Variants in SAE1 observed in about 807,000 individuals in gnomAD.
SAE1 encodes SUMO1 activating enzyme subunit 1.
In SAE1, 11 loss-of-function variants were observed where a neutral mutation model predicts 40.6. That is an observed-to-expected ratio of 0.27 (90% CI 0.17 to 0.45). SAE1 has a LOEUF of 0.45. SAE1 is among the 20% of genes least tolerant of loss of function. The pLI is 1.00. For synonymous variants in SAE1, 155 were observed against 154.3 expected, an observed-to-expected ratio of 1.00 and a Z score of -0.03; for missense variants, 373 against 427.3, an observed-to-expected ratio of 0.87 and a Z score of 1.12.
At chr19:47,137,100 G>T (rs2058185071) in intron 1 of SAE1, among the ~76,000 whole-genome samples, 1 of 152,092 alleles carries the variant, frequency 6.6e-6, no homozygotes, top group African/African-American at 2.4e-5. Context: ...TGGATTAAAA[G>T]AGAGTAAAGG....
rs1287968234 is a variant in SAE1 at position 47,201,195 on chromosome 19, C to T, written c.879-2476C>T. Among the ~76,000 whole-genome samples, 8 of 151,730 alleles carry T rather than the reference C, an allele frequency of 5.3e-5. No individual in the cohort carries two copies. In the East Asian group the frequency reaches 7.7e-4, roughly 15 times the overall value. On this transcript the variant is annotated intron_variant, in intron 7 of 8. Coordinates refer to ENST00000270225, the MANE Select transcript of SAE1 (RefSeq NM_005500.3). Reference sequence around the variant, plus strand: ...TCCTGAGTAGCTGGGACTACAGGCGCGTGCCACCACGCCCGGCTAATTTTT... The same window carrying T: ...TCCTGAGTAGCTGGGACTACAGGCGTGTGCCACCACGCCCGGCTAATTTTT...
intron 7 of SAE1, among the ~76,000 whole-genome samples, chr19:47,198,419 C>G (rs1274334356): frequency 6.6e-6 from 1 of 152,068 alleles, no homozygotes; most frequent in African/African-American, 2.4e-5. Flanking sequence ...CCATCCACAT[C>G]TCCTTCCAAG....
chr19:47,181,780 C>CTTT (rs36107839), intron 6 of SAE1, among the ~76,000 whole-genome samples: 44 of 96,444 alleles, frequency 4.6e-4, no homozygotes, highest in African/African-American at 8.6e-4. Context: ...CACCTGGCCT[C>CTTT]TTTTTTTTTT....
chr19:47,193,975 C>T (rs2058597180), intron 6 of SAE1, among the ~76,000 whole-genome samples: 1 of 151,676 alleles, frequency 6.6e-6, no homozygotes, highest in Non-Finnish European at 1.5e-5. Context: ...AAAAGCATAG[C>T]CCAGAAGCAG....
intron 6 of SAE1, among the ~76,000 whole-genome samples, chr19:47,175,131 T>G (rs928206456): frequency 4.0e-5 from 6 of 148,792 alleles, no homozygotes; most frequent in African/African-American, 1.2e-4. Flanking sequence ...TTTTTTTTTT[T>G]GCCTACTGTA....
chr19:47,197,729 T>G (rs568111871), intron 7 of SAE1, among the ~76,000 whole-genome samples: 1 of 152,352 alleles, frequency 6.6e-6, no homozygotes, highest in South Asian at 2.1e-4. Flanking sequence ...CCACAGCTCC[T>G]TAGTATTCTA....
intron 5 of SAE1, among the ~76,000 whole-genome samples, chr19:47,168,413 C>CT (rs2058409231): frequency 6.6e-6 from 1 of 151,980 alleles, no homozygotes; most frequent in Non-Finnish European, 1.5e-5. Flanking sequence ...AAACAGTTCT[C>CT]TTGCCTCAGC....
rs1354393821 is a variant in SAE1, at chr19:47,210,265, C to G, written c.*1014C>G. On this transcript the variant is annotated 3_prime_UTR_variant, in exon 9 of 9. Transcript: ENST00000270225. ...GATCCTACCAGTTGCCTTTTCAGAC[C>G]TGAGGCTCTAACTCAAGAGATTCCT... 2 of 152,124 alleles carry G rather than the reference C, an allele frequency of 1.3e-5. No individual in the cohort carries two copies. Among genetic ancestry groups the G allele is most frequent in the Non-Finnish European group, 2.9e-5 (2 of 68,028 alleles). 9.4% of individuals were successfully genotyped at this position (152,124 alleles called of 1,614,324 possible).
At chr19:47,179,205 AAAAG>A (rs1416606104) in intron 6 of SAE1, among the ~76,000 whole-genome samples, 61 of 150,810 alleles carry the variant, frequency 4.0e-4, no homozygotes, top group African/African-American at 1.3e-3. Flanking sequence ...AAAAAAAAAA[AAAAG>A]AAAGAAAAAT....
At chr19:47,208,828 A>G (rs2058698757) in intron 8 of SAE1, among the ~76,000 whole-genome samples, 1 of 152,232 alleles carries the variant, frequency 6.6e-6, no homozygotes, top group Non-Finnish European at 1.5e-5. Context: ...AAGTGCTGGG[A>G]TTACAGGTGT....
At chr19:47,145,104 G>A (rs2058247469) in intron 2 of SAE1, among the ~76,000 whole-genome samples, 1 of 152,074 alleles carries the variant, frequency 6.6e-6, no homozygotes, top group Non-Finnish European at 1.5e-5. Context: ...CCAGGTTCAA[G>A]CAATTCTCCT....
In SAE1 at chr19:47,194,747, C is replaced by CTT. The variant is rs1232339267; in HGVS notation, c.734-2467_734-2466dup. Among the ~76,000 whole-genome samples, 864 of 124,882 alleles carry CTT rather than the reference C, an allele frequency of 6.9e-3. 14 individuals are homozygous for CTT. Among genetic ancestry groups the CTT allele is most frequent in the African/African-American group, 0.021 (678 of 33,004 alleles). The allele number at this position is 124,882 out of a possible 152,430, so 81.9% of individuals were successfully genotyped here. A position where few individuals can be genotyped will look rare whatever the true frequency, so the allele number is the denominator to read the frequency against. On this transcript the variant is annotated intron_variant, in intron 6 of 8. Transcript: ENST00000270225. ...AGAAGGTGTTGGTATGTTAATCAGT[C>CTT]TTTTTTTTTTTTTTTTTTTTGAGAT... is the stretch of plus-strand genomic sequence containing the variant.
intron 5 of SAE1, among the ~76,000 whole-genome samples, chr19:47,163,795 A>G (rs1298868236): frequency 6.6e-6 from 1 of 152,070 alleles, no homozygotes; most frequent in Non-Finnish European, 1.5e-5. Context: ...TGTGCCATTT[A>G]TTTATTTAGA....
rs891839527 is a variant in SAE1 at position 47,192,761 on chromosome 19, A to C, written c.734-4472A>C. On this transcript the variant is annotated intron_variant, in intron 6 of 8. Coordinates refer to ENST00000270225, the MANE Select transcript of SAE1 (RefSeq NM_005500.3). Reference sequence around the variant, plus strand: ...CACCATGTTGGCCAGGCTGGTCTCAAACTCCTGACCTCAAGTGATCTGCCC... The same window carrying C: ...CACCATGTTGGCCAGGCTGGTCTCACACTCCTGACCTCAAGTGATCTGCCC... Among the ~76,000 whole-genome samples, 3 of 151,418 alleles carry C rather than the reference A, an allele frequency of 2.0e-5. No homozygotes were observed. The East Asian group carries it at 5.9e-4, about 30-fold the overall frequency.
At position 47,174,563 on chromosome 19, in the gene SAE1, A is replaced by ATTTTTTT. The variant is rs71180803; in HGVS notation, c.733+4659_733+4665dup. On this transcript the variant is annotated intron_variant, in intron 6 of 8. Transcript: ENST00000270225. The stretch of plus-strand genomic sequence containing the variant: ...AGGCATATGTCACCACGCCTGGCAA[A>ATTTTTTT]TTTTTTTTTTTTTTTTTTTTTTTTT... 3.8e-3 allele frequency among the ~76,000 whole-genome samples: 332 copies of ATTTTTTT among 88,508 alleles called. 6 individuals carry two copies. Among genetic ancestry groups the ATTTTTTT allele is most frequent in the African/African-American group, 0.015 (308 of 19,954 alleles). 58.1% of individuals were successfully genotyped at this position (88,508 alleles called of 152,430 possible).
At chr19:47,160,682 A>T (rs1393419485) in intron 5 of SAE1, among the ~76,000 whole-genome samples, 1 of 151,888 alleles carries the variant, frequency 6.6e-6, no homozygotes, top group Non-Finnish European at 1.5e-5. Context: ...GGCGTGAGCC[A>T]CCGTGCCCAG....
chr19:47,134,833 C>T (rs2058168535), intron 1 of SAE1, among the ~76,000 whole-genome samples: 1 of 151,780 alleles, frequency 6.6e-6, no homozygotes, highest in Non-Finnish European at 1.5e-5. Context: ...AGGGTCAGGG[C>T]ATGGAATTTG....
chr19:47,187,144 G>T (rs1215440712), intron 6 of SAE1, among the ~76,000 whole-genome samples: 3 of 152,192 alleles, frequency 2.0e-5, no homozygotes, highest in African/African-American at 7.2e-5. Context: ...TAATGTGGAG[G>T]TGAACTGAGC....
chr19:47,131,478 T>C (rs2058142274), intron 1 of SAE1, among the ~76,000 whole-genome samples: 1 of 151,952 alleles, frequency 6.6e-6, no homozygotes, highest in South Asian at 2.1e-4. Flanking sequence ...AGACGGGAGC[T>C]TACACTCTTG....
Sources: allele counts gnomAD v4.1 joint callset (sites outside exome capture counted in the v4.1 genomes callset), GRCh38; gene constraint gnomAD v4.1.1; transcripts MANE v1.5; gene names NCBI Gene and HGNC (gene_info 2026-07-23, HGNC 2026-07-21).